The following HMCN1 variants were observed in gnomAD, a reference collection of about 807,000 sequenced individuals.
The protein encoded by HMCN1 is hemicentin-1.
HMCN1 carries 321 observed loss-of-function variants against 625.9 expected under a neutral mutation model. The ratio of observed to expected loss-of-function variants is 0.51; its 90% CI spans 0.47 to 0.56. The LOEUF (loss-of-function observed/expected upper bound fraction) is 0.56. HMCN1 is among the 20% of genes least tolerant of loss of function. The probability of loss-of-function intolerance (pLI) is 0.00; values close to 1 mark genes in which losing one functional copy is unlikely to be tolerated. For missense variants in HMCN1, 6,588 were observed against 6,887.3 expected (o/e 0.96, Z 1.54); for synonymous variants, 2,425 against 2,417.6 (o/e 1.00, Z -0.09).
intron 1 of HMCN1, among the ~76,000 whole-genome samples, chr1:185,826,904 TAGCCTA>T (rs1660548827): frequency 6.6e-6 from 1 of 152,058 alleles, no homozygotes; most frequent in South Asian, 2.1e-4. Context: ...CAAAAAGGAT[TAGCCTA>T]AGATCTTTTT....
At chr1:186,151,498 T>C (rs777658844) in intron 94 of HMCN1, 108 bp from the exon 95 acceptor site, 1 of 1,319,648 alleles carries the variant, frequency 7.6e-7, no homozygotes. Flanking sequence ...TATTTGTTTC[T>C]GGTATTCAAC....
At chr1:186,126,556 T>C (rs1661656270) in intron 82 of HMCN1, among the ~76,000 whole-genome samples, 1 of 152,034 alleles carries the variant, frequency 6.6e-6, no homozygotes, top group Non-Finnish European at 1.5e-5. Flanking sequence ...TAAATTCTCT[T>C]TGGGAAGGTG....
At position 186,125,653 on chromosome 1, in the gene HMCN1, T is replaced by C. The variant is rs763022515; in HGVS notation, c.12549T>C (p.Asn4183=). The part of the protein sequence containing the change: ...STEGHYTVNE[N]SQAILPCVAD... The stretch of plus-strand genomic sequence containing the variant: ...AAGGACACTACACGGTCAATGAGAA[T>C]TCACAAGCCATTCTTCCATGCGTAG... Residue 4183 remains asparagine, a synonymous_variant, in exon 82 of 107, where the codon AAT becomes AAC. Coordinates refer to ENST00000271588, the MANE Select transcript of HMCN1 (RefSeq NM_031935.3). 3.2e-5 allele frequency: 51 copies of C among 1,613,312 alleles called. No individual in the cohort carries two copies. The highest frequency in any genetic ancestry group is 4.2e-5 in the Non-Finnish European group (50 of 1,179,516).
At chr1:186,003,981 G>T (rs1159902720) in intron 29 of HMCN1, 137 bp downstream of exon 29, 2 of 818,268 alleles carry the variant, frequency 2.4e-6, no homozygotes, top group Admixed American at 4.7e-5. Flanking sequence ...AAACAATATT[G>T]CTCAAAAGCT....
chr1:185,751,013 G>T (rs1189517889), intron 1 of HMCN1, among the ~76,000 whole-genome samples: 1 of 151,908 alleles, frequency 6.6e-6, no homozygotes. Context: ...CTGTAGTATG[G>T]TTATTTCACT....
chr1:186,069,925 T>A (rs1000434847), intron 51 of HMCN1, 149 bp downstream of exon 51: 2 of 680,924 alleles, frequency 2.9e-6, no homozygotes, highest in Admixed American at 2.1e-5. Flanking sequence ...GAAGTTGAAT[T>A]AAGCATTGTG....
intron 4 of HMCN1, among the ~76,000 whole-genome samples, chr1:185,887,184 A>C (rs764069963): frequency 1.9e-4 from 29 of 152,286 alleles, no homozygotes; most frequent in South Asian, 4.1e-4. Flanking sequence ...CCTAGTAAGT[A>C]AGTCTGCAGT....
At chr1:185,835,394 C>A (rs1661104896) in intron 1 of HMCN1, among the ~76,000 whole-genome samples, 1 of 151,968 alleles carries the variant, frequency 6.6e-6, no homozygotes, top group Admixed American at 6.6e-5. Context: ...GAGACACATG[C>A]CTCTCTCTTC....
At chr1:185,792,392 A>C (rs1241183968) in intron 1 of HMCN1, among the ~76,000 whole-genome samples, 1 of 152,164 alleles carries the variant, frequency 6.6e-6, no homozygotes, top group African/African-American at 2.4e-5. Flanking sequence ...TTGATGGCTT[A>C]TTCCTATTAT....
At chr1:186,055,697 T>C (rs374362970) in intron 45 of HMCN1, 23 bp downstream of exon 45, 4 of 1,609,590 alleles carry the variant, frequency 2.5e-6, no homozygotes, top group Admixed American at 1.7e-5. Context: ...AGGCTCAATA[T>C]GTCCATTCAC....
chr1:185,963,666 C>A, intron 12 of HMCN1, 102 bp from the exon 13 acceptor site: 1 of 890,034 alleles, frequency 1.1e-6, no homozygotes, highest in South Asian at 1.4e-5. Flanking sequence ...AAAAATATAA[C>A]TCTACAACGT....
In HMCN1 at chr1:185,980,982, A is replaced by C. The variant is rs1355249665; in HGVS notation, c.2571A>C (p.Leu857Phe). Residue 857 changes from leucine (L) to phenylalanine (F), a missense_variant, in exon 17 of 107, where the codon TTA becomes TTC. By Grantham distance (22) the Leu-to-Phe change is conservative. Around this residue, in one of 3 missense-constraint regions of HMCN1, gnomAD observed 4,628 missense variants for 4,853.1 expected, o/e 0.95. Coordinates refer to ENST00000271588, the MANE Select transcript of HMCN1 (RefSeq NM_031935.3). Reference sequence around the variant, plus strand: ...TAAATGAGTTCTTCCTTTTAGACTTATGGGCAAGTGATAAAGGAACCTATA... The same window carrying C: ...TAAATGAGTTCTTCCTTTTAGACTTCTGGGCAAGTGATAAAGGAACCTATA... ...LRTGALFILN[L>F]WASDKGTYIC... 1 of 1,590,734 alleles carries C rather than the reference A, an allele frequency of 6.3e-7. No individual in the cohort carries two copies. The highest frequency in any genetic ancestry group is 2.2e-5 in the East Asian group (1 of 44,762).
At chr1:185,798,340 A>G (rs1658548718) in intron 1 of HMCN1, among the ~76,000 whole-genome samples, 2 of 152,154 alleles carry the variant, frequency 1.3e-5, no homozygotes, top group South Asian at 2.1e-4. Context: ...TAGGCTGATG[A>G]TTGTATGTCT....
intron 11 of HMCN1, among the ~76,000 whole-genome samples, chr1:185,957,687 T>G (rs904837723): frequency 1.3e-5 from 2 of 152,190 alleles, no homozygotes; most frequent in African/African-American, 4.8e-5. Context: ...TTCTCCTTGA[T>G]GTTTTTCTGT....
rs1443173639 is a variant in HMCN1 at position 186,130,169 on chromosome 1, A to G, written c.13039+69A>G. ...TGAATAGTTCAAGTTTTGCTTCTTT[A>G]TTTTATGGTAATAAAATATAACTTC... On this transcript the variant is annotated intron_variant, in intron 84 of 106. Coordinates refer to ENST00000271588, the MANE Select transcript of HMCN1 (RefSeq NM_031935.3). 3.8e-6 allele frequency: 6 copies of G among 1,592,854 alleles called. No individual in the cohort carries two copies. The African/African-American group carries it at 8.1e-5, about 21-fold the overall frequency.
intron 4 of HMCN1, among the ~76,000 whole-genome samples, chr1:185,867,512 G>A (rs1663332578): frequency 6.6e-6 from 1 of 152,142 alleles, no homozygotes; most frequent in Non-Finnish European, 1.5e-5. Context: ...CTTAAGTGAG[G>A]AAGAATAGCA....
At chr1:185,751,646 C>T (rs1170405259) in intron 1 of HMCN1, among the ~76,000 whole-genome samples, 1 of 151,994 alleles carries the variant, frequency 6.6e-6, no homozygotes, top group African/African-American at 2.4e-5. Context: ...TTTAGATCTT[C>T]TCATTCTCTA....
chr1:185,915,413 C>T (rs1187253005), intron 6 of HMCN1, among the ~76,000 whole-genome samples: 1 of 151,916 alleles, frequency 6.6e-6, no homozygotes, highest in Non-Finnish European at 1.5e-5. Flanking sequence ...AAGGAAACTC[C>T]CTGCAAAGAC....
intron 25 of HMCN1, among the ~76,000 whole-genome samples, chr1:185,998,113 T>C (rs1021419375): frequency 2.0e-5 from 3 of 152,166 alleles, no homozygotes; most frequent in Non-Finnish European, 4.4e-5. Context: ...TGAAAAGGAC[T>C]GTCACTTTCA....
Sources: allele counts gnomAD v4.1 joint callset (sites outside exome capture counted in the v4.1 genomes callset), GRCh38; gene constraint gnomAD v4.1.1; regional missense constraint gnomAD v4.1.1; transcripts MANE v1.5; gene names NCBI Gene and HGNC (gene_info 2026-07-23, HGNC 2026-07-21).